Variants in ZFPM2 observed in about 807,000 individuals in gnomAD.
ZFPM2 encodes zinc finger protein, FOG family member 2.
In ZFPM2, 20 loss-of-function variants were observed where a neutral mutation model predicts 98.6. The ratio of observed to expected loss-of-function variants is 0.20; its 90% CI spans 0.14 to 0.29. ZFPM2 has a LOEUF of 0.29. ZFPM2 is among the 10% of genes least tolerant of loss of function. The probability of loss-of-function intolerance (pLI) is 1.00; values close to 1 mark genes in which losing one functional copy is unlikely to be tolerated. For synonymous variants in ZFPM2, 518 were observed against 502.7 expected (o/e 1.03, Z -0.41); for missense variants, 1,310 against 1,388.6 (o/e 0.94, Z 0.90).
At chr8:105,568,620 T>G (rs1398760730) in intron 4 of ZFPM2, among the ~76,000 whole-genome samples, 2 of 152,186 alleles carry the variant, frequency 1.3e-5, no homozygotes, top group Non-Finnish European at 1.5e-5. Flanking sequence ...ACTGCTTTAG[T>G]CGAAAGCCCC....
Position 105,748,257 on chromosome 8 carries a change from A to G in ZFPM2, c.533-40461A>G, listed in dbSNP as rs1467585198. Among the ~76,000 whole-genome samples, 4 of 152,180 alleles carry G rather than the reference A, an allele frequency of 2.6e-5. 1 individual carries two copies. The highest frequency in any genetic ancestry group is 6.8e-3 in the Middle Eastern group (2 of 294). ...ACTTCTTTGCCAAAAATTATTTATC[A>G]TCATTGTAGAATAGGCAAAAAATAG... On this transcript the variant is annotated intron_variant, in intron 5 of 7. Coordinates refer to ENST00000407775, the MANE Select transcript of ZFPM2 (RefSeq NM_012082.4).
intron 3 of ZFPM2, among the ~76,000 whole-genome samples, chr8:105,536,931 T>C (rs2130612206): frequency 6.6e-6 from 1 of 152,260 alleles, no homozygotes; most frequent in Admixed American, 6.5e-5. Flanking sequence ...TCTTGCTACC[T>C]TGTGATTATA....
intron 5 of ZFPM2, among the ~76,000 whole-genome samples, chr8:105,683,141 G>C (rs36002454): frequency 0.025 from 3,866 of 151,976 alleles, 55 homozygotes; most frequent in Non-Finnish European, 0.039. Flanking sequence ...CCTTCTGAAG[G>C]CCCTACCTCC....
At chr8:105,644,332 C>T (rs1817001142) in intron 5 of ZFPM2, among the ~76,000 whole-genome samples, 1 of 148,318 alleles carries the variant, frequency 6.7e-6, no homozygotes, top group African/African-American at 2.5e-5. Flanking sequence ...GTTGGCCAGG[C>T]TGGGTCTCAA....
chr8:105,636,643 C>T (rs2130843735), intron 5 of ZFPM2, among the ~76,000 whole-genome samples: 1 of 152,242 alleles, frequency 6.6e-6, no homozygotes, highest in East Asian at 1.9e-4. Flanking sequence ...CCTGGTCTGG[C>T]ATGCTACCTG....
chr8:105,494,954 T>G (rs1458952512), intron 3 of ZFPM2, among the ~76,000 whole-genome samples: 1 of 152,208 alleles, frequency 6.6e-6, no homozygotes, highest in Non-Finnish European at 1.5e-5. Flanking sequence ...GACATAGAAA[T>G]TTGAATTTTA....
chr8:105,596,216 C>T (rs1815967072), intron 4 of ZFPM2, among the ~76,000 whole-genome samples: 1 of 151,844 alleles, frequency 6.6e-6, no homozygotes, highest in Admixed American at 6.6e-5. Flanking sequence ...ATGTCTGGTC[C>T]AGTCAGGTTA....
chr8:105,346,484 TA>T (rs1301737345), intron 1 of ZFPM2, among the ~76,000 whole-genome samples: 1 of 152,106 alleles, frequency 6.6e-6, no homozygotes, highest in Non-Finnish European at 1.5e-5. Flanking sequence ...AGGAGGAGAA[TA>T]AACATTTATT....
intron 3 of ZFPM2, among the ~76,000 whole-genome samples, chr8:105,509,134 G>A (rs1256880980): frequency 6.6e-6 from 1 of 152,174 alleles, no homozygotes; most frequent in African/African-American, 2.4e-5. Flanking sequence ...ATGTAAATAG[G>A]TGTTATCTGA....
intron 5 of ZFPM2, among the ~76,000 whole-genome samples, chr8:105,777,428 A>T (rs948525721): frequency 3.6e-4 from 55 of 152,296 alleles, no homozygotes; most frequent in South Asian, 1.0e-3. Context: ...ATAATTTTTT[A>T]AAAAAATCTG....
chr8:105,353,043 A>G (rs1432464405), intron 1 of ZFPM2, among the ~76,000 whole-genome samples: 4 of 152,172 alleles, frequency 2.6e-5, no homozygotes, highest in Admixed American at 6.5e-5. Context: ...CTAGAGAATT[A>G]AAGTGTTATT....
intron 5 of ZFPM2, among the ~76,000 whole-genome samples, chr8:105,699,317 G>A (rs1308571961): frequency 6.6e-6 from 1 of 151,920 alleles, no homozygotes; most frequent in Non-Finnish European, 1.5e-5. Context: ...GAGGTTAATG[G>A]CTAGATTTTA....
At position 105,635,753 on chromosome 8, in the gene ZFPM2, A is replaced by G. The variant is rs372292103; in HGVS notation, c.532+1396A>G. Reference sequence around the variant, plus strand: ...TTCTGTTGTACAATATTTTATCTTCATTGTATCAATATAGTATGGGGGAAA... The same window carrying G: ...TTCTGTTGTACAATATTTTATCTTCGTTGTATCAATATAGTATGGGGGAAA... On this transcript the variant is annotated intron_variant, in intron 5 of 7. Coordinates refer to ENST00000407775, the MANE Select transcript of ZFPM2 (RefSeq NM_012082.4). Among the ~76,000 whole-genome samples, 24 of 152,322 alleles carry G rather than the reference A, an allele frequency of 1.6e-4. No homozygotes were observed. The South Asian group carries it at 5.0e-3, about 32-fold the overall frequency.
chr8:105,581,971 G>T (rs770722252), intron 4 of ZFPM2, among the ~76,000 whole-genome samples: 1 of 152,156 alleles, frequency 6.6e-6, no homozygotes, highest in Non-Finnish European at 1.5e-5. Flanking sequence ...TTATAGTGGG[G>T]CCTTGATAAG....
chr8:105,704,787 C>G (rs1811219397), intron 5 of ZFPM2, among the ~76,000 whole-genome samples: 1 of 152,198 alleles, frequency 6.6e-6, no homozygotes, highest in African/African-American at 2.4e-5. Flanking sequence ...TTCAACTCCA[C>G]AAAAGCACTG....
At chr8:105,800,345 T>C (rs1327609676) in intron 7 of ZFPM2, among the ~76,000 whole-genome samples, 1 of 152,060 alleles carries the variant, frequency 6.6e-6, no homozygotes, top group African/African-American at 2.4e-5. Flanking sequence ...ATTCAAAATA[T>C]TTAATCATGG....
chr8:105,476,542 A>T (rs1041353849), intron 3 of ZFPM2, among the ~76,000 whole-genome samples: 8 of 152,044 alleles, frequency 5.3e-5, no homozygotes, highest in Non-Finnish European at 1.2e-4. Context: ...CCTGCTCTAG[A>T]GGCTGTCTTC....
intron 5 of ZFPM2, among the ~76,000 whole-genome samples, chr8:105,687,854 C>T (rs1810776872): frequency 1.3e-5 from 2 of 151,566 alleles, no homozygotes; most frequent in African/African-American, 4.8e-5. Flanking sequence ...AAAAAGAACA[C>T]ATTATGAAAA....
At chr8:105,393,330 C>CTGTCTGTCTGTCTTTCTT (rs1245789213) in intron 1 of ZFPM2, among the ~76,000 whole-genome samples, 1 of 132,918 alleles carries the variant, frequency 7.5e-6, no homozygotes, top group African/African-American at 3.1e-5. Context: ...CCCTCTCTCT[C>CTGTCTGTCTGTCTTTCTT]TCTTTGCCTT....
Sources: gnomAD v4.1 joint callset for allele counts (sites outside exome capture counted in the v4.1 genomes callset) on GRCh38, gnomAD v4.1.1 for gene constraint, MANE v1.5 for transcripts, NCBI Gene and HGNC (gene_info 2026-07-23, HGNC 2026-07-21) for gene names.